ARHGEF10: variants seen among roughly 807,000 people sequenced by gnomAD.
ARHGEF10 encodes Rho guanine nucleotide exchange factor (GEF) 10.
ARHGEF10 carries 140 observed loss-of-function variants against 147.4 expected under a neutral mutation model. That is an observed-to-expected ratio of 0.95 (90% confidence interval 0.83 to 1.09). The LOEUF (loss-of-function observed/expected upper bound fraction) is 1.09. Ranked by LOEUF, ARHGEF10 falls within the 50% of genes least tolerant of loss-of-function variation. The pLI, the probability that ARHGEF10 is intolerant of heterozygous loss-of-function variation, is 0.00. For synonymous variants in ARHGEF10, 902 were observed against 695.8 expected, an observed-to-expected ratio of 1.30 and a Z score of -4.67; for missense variants, 2,222 against 1,752.7, an observed-to-expected ratio of 1.27 and a Z score of -4.78.
chr8:1,875,381 C>G (rs1001777949), intron 7 of ARHGEF10, among the ~76,000 whole-genome samples: 1 of 152,068 alleles, frequency 6.6e-6, no homozygotes, highest in Admixed American at 6.5e-5. Context: ...CTCTTGGGCA[C>G]GTGGGTAGGC....
At position 1,903,342 on chromosome 8, in the gene ARHGEF10, C is replaced by T. The variant is rs755033103; in HGVS notation, c.1712C>T (p.Thr571Ile). The T allele has an allele frequency of 3.1e-6, 5 of 1,614,122 alleles. No homozygotes were observed. The highest frequency in any genetic ancestry group is 1.1e-5 in the South Asian group (1 of 91,076). ...PDRLPLQMAL[T>I]ELETLAEKLN... ...AGGCTGCCTCTTCAGATGGCCCTGA[C>T]AGAGCTCGAAACACTAGCAGAGAAG... Residue 571 changes from threonine (T) to isoleucine (I), a missense_variant, in exon 16 of 29, where the codon ACA becomes ATA. Thr to Ile is a moderately conservative substitution (Grantham distance 89, BLOSUM62 -1). Transcript: ENST00000349830.
intron 1 of ARHGEF10, among the ~76,000 whole-genome samples, chr8:1,841,031 C>T (rs1458266453): frequency 2.0e-5 from 3 of 152,190 alleles, no homozygotes; most frequent in African/African-American, 7.2e-5. Flanking sequence ...CCTCTCCCGG[C>T]CGGTGGGTGG....
chr8:1,860,196 C>T lies in ARHGEF10; in HGVS notation c.481+12C>T, dbSNP rs773003509. The T allele has an allele frequency of 6.2e-7, 1 of 1,610,388 alleles. No individual in the cohort carries two copies. Among genetic ancestry groups the T allele is most frequent in the East Asian group, 2.2e-5 (1 of 44,858 alleles). On this transcript the variant is annotated intron_variant, in intron 4 of 28. Transcript: ENST00000349830. ...CCTGGACGAAGAAGGTACTGCTACC[C>T]TCCTCTCCACGCCCCCGAAGTGGCC...
At chr8:1,887,501 TC>T in intron 11 of ARHGEF10, among the ~76,000 whole-genome samples, 2 of 133,992 alleles carry the variant, frequency 1.5e-5, no homozygotes, top group African/African-American at 5.9e-5. Flanking sequence ...GTGTGAGGGG[TC>T]TGTGAGGAGA....
At chr8:1,859,518 C>A (rs1382987036) in intron 3 of ARHGEF10, among the ~76,000 whole-genome samples, 1 of 152,178 alleles carries the variant, frequency 6.6e-6, no homozygotes, top group African/African-American at 2.4e-5. Context: ...ATAGCATCAG[C>A]CTCTCGGTTG....
At chr8:1,894,716 T>C (rs1284301826) in intron 13 of ARHGEF10, 144 bp downstream of exon 13, 10 of 912,458 alleles carry the variant, frequency 1.1e-5, no homozygotes, top group Admixed American at 1.0e-4. Context: ...GAAGTTGCAA[T>C]GCCCTGGCCA....
At chr8:1,912,444 G>A (rs1165408824) in intron 18 of ARHGEF10, among the ~76,000 whole-genome samples, 1 of 125,628 alleles carries the variant, frequency 8.0e-6, no homozygotes, top group African/African-American at 3.1e-5. Flanking sequence ...CAAAAGTGCT[G>A]TGTGGATCGT....
intron 10 of ARHGEF10, among the ~76,000 whole-genome samples, chr8:1,884,678 A>T (rs7014895): frequency 6.6e-6 from 1 of 152,004 alleles, no homozygotes; most frequent in Non-Finnish European, 1.5e-5. Context: ...GGTTTCTATC[A>T]TCTAAAAGTG....
chr8:1,871,673 C>A (rs866877038), intron 7 of ARHGEF10, among the ~76,000 whole-genome samples: 139 of 152,216 alleles, frequency 9.1e-4, no homozygotes, highest in African/African-American at 3.0e-3. Context: ...CAAAAATTAG[C>A]CGGGCATGAT....
chr8:1,885,679 C>G lies in ARHGEF10; in HGVS notation c.1154C>G (p.Pro385Arg). Residue 385 changes from proline to arginine, a missense_variant, in exon 11 of 29, where the codon CCG becomes CGG. Transcript: ENST00000349830. The part of the protein sequence containing the change: ...DCKHPEAILT[P>R]MPEGLSQQQV... ...AAGCACCCGGAAGCCATCTTGACCC[C>G]GATGCCCGAGGGTTTATCTCAGCAG... 5.0e-6 allele frequency: 8 copies of G among 1,613,890 alleles called. No homozygotes were observed. The highest frequency in any genetic ancestry group is 6.8e-6 in the Non-Finnish European group (8 of 1,179,934).
intron 24 of ARHGEF10, 98 bp from the exon 25 acceptor site, chr8:1,929,188 G>A: frequency 7.4e-7 from 1 of 1,346,250 alleles, no homozygotes; most frequent in Non-Finnish European, 1.1e-6. Flanking sequence ...GGAAGGGCAA[G>A]AGGGAAGAGT....
At chr8:1,880,290 C>G (rs983932221) in intron 9 of ARHGEF10, 126 bp downstream of exon 9, 2 of 709,964 alleles carry the variant, frequency 2.8e-6, no homozygotes, top group Admixed American at 2.0e-5. Flanking sequence ...CTCCTGGAAT[C>G]CCCCGACGCT....
chr8:1,894,518 C>G lies in ARHGEF10; in HGVS notation c.1386C>G (p.Ser462Arg). The G allele has an allele frequency of 1.2e-6, 2 of 1,614,194 alleles. No individual in the cohort carries two copies. The highest frequency in any genetic ancestry group is 1.7e-6 in the Non-Finnish European group (2 of 1,180,034). Residue 462 changes from serine (S) to arginine (R), a missense_variant, in exon 13 of 29, where the codon AGC becomes AGG. By Grantham distance (110) the Ser-to-Arg change is moderately radical. Coordinates refer to ENST00000349830, the MANE Select transcript of ARHGEF10 (RefSeq NM_014629.4). ...CGCTATTTCAGATCGCGCTGGCCAG[C>G]CGCGTTTCCGAGTGGGACTCCGTGG... ...CHSLFQIALA[S>R]RVSEWDSVEM...
In ARHGEF10 at chr8:1,957,137, C is replaced by T. The variant is rs562037149; in HGVS notation, c.3909C>T (p.Ala1303=). ...CACGCCGGGCCAAGAAAGCCAAGGC[C>T]AGCTCGGCGCTGGTGGTCTGTGGAG... ...SKARRAKKAK[A]SSALVVCGGQ... Residue 1303 remains alanine, a synonymous_variant, in exon 29 of 29, where the codon GCC becomes GCT. Transcript: ENST00000349830. 4 of 1,612,860 alleles carry T rather than the reference C, an allele frequency of 2.5e-6. No homozygotes were observed. In the East Asian group the frequency reaches 6.7e-5, roughly 27 times the overall value.
Position 1,905,725 on chromosome 8 carries a change from A to T in ARHGEF10, c.1967+9A>T, listed in dbSNP as rs1422928230. On this transcript the variant is annotated intron_variant, in intron 17 of 28. Coordinates refer to ENST00000349830, the MANE Select transcript of ARHGEF10 (RefSeq NM_014629.4). Reference sequence around the variant, plus strand: ...GCCACCGTCAGCTCACGGTAAGTGCATAAATTCTCTATAGTAGTCCTACCA... The same window carrying T: ...GCCACCGTCAGCTCACGGTAAGTGCTTAAATTCTCTATAGTAGTCCTACCA... 1 of 1,613,208 alleles carries T rather than the reference A, an allele frequency of 6.2e-7. No homozygotes were observed. Among genetic ancestry groups the T allele is most frequent in the Non-Finnish European group, 8.5e-7 (1 of 1,180,032 alleles).
At chr8:1,914,830 C>A (rs890618489) in intron 18 of ARHGEF10, among the ~76,000 whole-genome samples, 4 of 152,160 alleles carry the variant, frequency 2.6e-5, no homozygotes, top group Non-Finnish European at 5.9e-5. Context: ...GTCATTATAA[C>A]CCTTGAACGA....
In ARHGEF10 at chr8:1,937,449, G is replaced by A. The variant is rs571794411; in HGVS notation, c.3222+3507G>A. On this transcript the variant is annotated intron_variant, in intron 26 of 28. Coordinates refer to ENST00000349830, the MANE Select transcript of ARHGEF10 (RefSeq NM_014629.4). This position sits in a 1 kb window ranked among gnomAD's most constrained non-coding sequence, Gnocchi z 4.9. ...CAATTGTCTGAGCTGACAGCTGGGG[G>A]TAATTCCCCTTTCTCAGGCTGCTTG... Among the ~76,000 whole-genome samples the A allele has an allele frequency of 6.6e-6, 1 of 152,326 alleles. No individual in the cohort carries two copies. The highest frequency in any genetic ancestry group is 1.5e-5 in the Non-Finnish European group (1 of 68,032).
chr8:1,953,861 G>A (rs1023881629), intron 28 of ARHGEF10, among the ~76,000 whole-genome samples: 1 of 152,120 alleles, frequency 6.6e-6, no homozygotes, highest in Non-Finnish European at 1.5e-5. Context: ...CAGAGAAAAC[G>A]CTTTGCAGGA....
At chr8:1,848,368 C>G (rs1320992900) in intron 2 of ARHGEF10, among the ~76,000 whole-genome samples, 3 of 152,170 alleles carry the variant, frequency 2.0e-5, no homozygotes, top group Non-Finnish European at 2.9e-5. Flanking sequence ...GGCCAGCAAG[C>G]AAAGTTTGAA....
Sources: gnomAD v4.1 joint callset for allele counts (sites outside exome capture counted in the v4.1 genomes callset) on GRCh38, gnomAD v4.1.1 for gene constraint, Gnocchi (gnomAD v3.1) non-coding constraint, MANE v1.5 for transcripts, NCBI Gene and HGNC (gene_info 2026-07-23, HGNC 2026-07-21) for gene names.